The following IKZF2 variants were observed in gnomAD, a reference collection of about 807,000 sequenced individuals.
IKZF2 encodes the protein zinc finger protein Helios.
In IKZF2, 15 loss-of-function variants were observed where a neutral mutation model predicts 49.2. That is an observed-to-expected ratio of 0.30 (90% CI 0.20 to 0.47). IKZF2 has a LOEUF of 0.47. Ranked by LOEUF, IKZF2 falls within the 20% of genes least tolerant of loss-of-function variation. The pLI, the probability that IKZF2 is intolerant of heterozygous loss-of-function variation, is 1.00. For synonymous variants in IKZF2, 227 were observed against 221.4 expected (o/e 1.03, Z -0.23); for missense variants, 567 against 664.6 (o/e 0.85, Z 1.61).
intron 6 of IKZF2, among the ~76,000 whole-genome samples, chr2:213,037,702 G>A (rs1220940382): frequency 6.6e-6 from 1 of 152,186 alleles, no homozygotes; most frequent in Non-Finnish European, 1.5e-5. Flanking sequence ...TTTGATGGAT[G>A]AAATCAGCAC....
At chr2:213,083,920 C>T (rs991417161) in intron 4 of IKZF2, among the ~76,000 whole-genome samples, 2 of 151,856 alleles carry the variant, frequency 1.3e-5, no homozygotes, top group Non-Finnish European at 2.9e-5. Context: ...ATAATAGAAA[C>T]AAAGTGCACA....
intron 4 of IKZF2, among the ~76,000 whole-genome samples, chr2:213,140,719 T>C (rs1303728782): frequency 6.6e-6 from 1 of 152,050 alleles, no homozygotes; most frequent in South Asian, 2.1e-4. Flanking sequence ...GAGACCAGTA[T>C]AAAGGATTCC....
chr2:213,007,985 T>G lies in IKZF2; in HGVS notation c.956A>C (p.Gln319Pro). Residue 319 changes from glutamine (Q) to proline (P), a missense_variant, in exon 9 of 9, where the codon CAA (glutamine) becomes CCA (proline). Gln to Pro is a moderately conservative substitution (Grantham distance 76, BLOSUM62 -1). Around this residue, in one of 5 missense-constraint regions of IKZF2, gnomAD observed 310 missense variants for 326.9 expected, o/e 0.95. Transcript: ENST00000434687. ...GTAGGTGATTGCATTGTTGATGGCT[T>G]GGTCCATCATATGAGACTGCATCAG... ...AELMQSHMMDQAINNAITYLG... is the reference protein window; with the variant it reads ...AELMQSHMMDPAINNAITYLG... 1.2e-6 allele frequency: 2 copies of G among 1,613,576 alleles called. No homozygotes were observed. The highest frequency in any genetic ancestry group is 1.7e-6 in the Non-Finnish European group (2 of 1,179,732).
intron 7 of IKZF2, among the ~76,000 whole-genome samples, chr2:213,015,596 T>C (rs1373413994): frequency 1.3e-5 from 2 of 152,010 alleles, no homozygotes; most frequent in East Asian, 3.8e-4. Context: ...GGTGGTGGTG[T>C]GGTGGAGAAC....
intron 4 of IKZF2, among the ~76,000 whole-genome samples, chr2:213,121,121 C>A (rs983759973): frequency 6.6e-6 from 1 of 152,162 alleles, no homozygotes; most frequent in African/African-American, 2.4e-5. Flanking sequence ...CTGTCCTATA[C>A]ACAATATTTT....
At chr2:213,127,140 G>A (rs572894454) in intron 4 of IKZF2, among the ~76,000 whole-genome samples, 10 of 152,282 alleles carry the variant, frequency 6.6e-5, no homozygotes, top group Non-Finnish European at 1.5e-4. Context: ...TATTAGAGAG[G>A]TAAACAATCA....
chr2:213,062,104 A>G (rs1300786124), intron 4 of IKZF2, among the ~76,000 whole-genome samples: 4 of 151,580 alleles, frequency 2.6e-5, no homozygotes, highest in African/African-American at 9.7e-5. Flanking sequence ...TTAATTTTAA[A>G]TTTTCAAATT....
intron 7 of IKZF2, among the ~76,000 whole-genome samples, chr2:213,016,265 C>G (rs182230123): frequency 4.2e-4 from 64 of 152,076 alleles, no homozygotes; most frequent in African/African-American, 1.3e-3. Flanking sequence ...ACAGAAAGAC[C>G]CAGAGATGTT....
chr2:213,099,493 G>A (rs1006085665), intron 4 of IKZF2, among the ~76,000 whole-genome samples: 4 of 152,102 alleles, frequency 2.6e-5, no homozygotes, highest in Non-Finnish European at 4.4e-5. Flanking sequence ...AGCAACGTAC[G>A]TGATGAAGCC....
intron 4 of IKZF2, among the ~76,000 whole-genome samples, chr2:213,124,769 A>G (rs2060203994): frequency 6.6e-6 from 1 of 152,244 alleles, no homozygotes. Context: ...ATGTGTTTCC[A>G]AGGAATTCAA....
chr2:213,034,734 T>C (rs573440172), intron 6 of IKZF2, among the ~76,000 whole-genome samples: 2 of 152,178 alleles, frequency 1.3e-5, no homozygotes, highest in Non-Finnish European at 2.9e-5. Flanking sequence ...ATGTGAAATA[T>C]TGCAAGAATT....
At position 213,007,885 on chromosome 2, in the gene IKZF2, G is replaced by T. The variant is rs201310615; in HGVS notation, c.1056C>A (p.Ser352Arg). 29 of 1,613,464 alleles carry T rather than the reference G, an allele frequency of 1.8e-5. No individual in the cohort carries two copies. Among genetic ancestry groups the T allele is most frequent in the Non-Finnish European group, 2.5e-5 (29 of 1,179,748 alleles). ...GATGATAGACCTGAGAATAAGCTGA[G>T]CTTATAACTGGGGCCACTTCAGCGA... Reference protein sequence around the residue: ...STIAEVAPVISSAYSQVYHPN... With the variant: ...STIAEVAPVIRSAYSQVYHPN... Residue 352 changes from serine (S) to arginine (R), a missense_variant, in exon 9 of 9, where the codon AGC (serine) becomes AGA (arginine). Around this residue, in one of 5 missense-constraint regions of IKZF2, gnomAD observed 310 missense variants for 326.9 expected, o/e 0.95. Transcript: ENST00000434687.
intron 4 of IKZF2, among the ~76,000 whole-genome samples, chr2:213,107,670 A>G (rs1182012640): frequency 1.3e-5 from 2 of 152,204 alleles, no homozygotes; most frequent in African/African-American, 4.8e-5. Context: ...TCTTGTTTTC[A>G]GTGAAAATTT....
intron 4 of IKZF2, among the ~76,000 whole-genome samples, chr2:213,101,007 G>C (rs1706595879): frequency 6.6e-6 from 1 of 151,696 alleles, no homozygotes; most frequent in African/African-American, 2.4e-5. Flanking sequence ...CCCTACTTGG[G>C]CTGCCATGGT....
chr2:213,144,230 C>A (rs2060969204), intron 4 of IKZF2, among the ~76,000 whole-genome samples: 1 of 151,896 alleles, frequency 6.6e-6, no homozygotes, highest in South Asian at 2.1e-4. Flanking sequence ...GGCCATCAGA[C>A]TGATAAATAG....
chr2:213,091,234 T>A (rs1012890896), intron 4 of IKZF2, among the ~76,000 whole-genome samples: 4 of 152,196 alleles, frequency 2.6e-5, no homozygotes, highest in African/African-American at 9.6e-5. Context: ...ATGGGTTCAC[T>A]AAAAATAATA....
chr2:213,007,340 C>A lies in IKZF2; in HGVS notation c.*20G>T. On this transcript the variant is annotated 3_prime_UTR_variant, in exon 9 of 9. Coordinates refer to ENST00000434687, the MANE Select transcript of IKZF2 (RefSeq NM_001387220.1). ...GTGCAGTTCTTTACTTCATAGGGGT[C>A]CCCTTTGGAATGAAAAGGCCTAGTG... The A allele has an allele frequency of 6.2e-7, 1 of 1,606,100 alleles. No homozygotes were observed. Among genetic ancestry groups the A allele is most frequent in the East Asian group, 2.2e-5 (1 of 44,784 alleles).
intron 5 of IKZF2, among the ~76,000 whole-genome samples, chr2:213,053,390 A>G (rs1159000608): frequency 1.3e-5 from 2 of 152,182 alleles, no homozygotes; most frequent in Admixed American, 6.5e-5. Flanking sequence ...TTATATTTCA[A>G]TATTTTATGT....
chr2:213,150,071 G>T, intron 2 of IKZF2, 73 bp downstream of exon 2: 2 of 832,758 alleles, frequency 2.4e-6, no homozygotes, highest in Non-Finnish European at 3.5e-6. Flanking sequence ...CCCCATCAAT[G>T]AAATGGTTAT....
Sources: gnomAD v4.1 joint callset for allele counts (sites outside exome capture counted in the v4.1 genomes callset) on GRCh38, gnomAD v4.1.1 for gene constraint, gnomAD v4.1.1 regional missense constraint, MANE v1.5 for transcripts, NCBI Gene and HGNC (gene_info 2026-07-23, HGNC 2026-07-21) for gene names.